Variants in PSD3 observed in about 807,000 individuals in gnomAD.
PSD3 encodes the protein PH and SEC7 domain-containing protein 3.
Under a neutral mutation model 105.5 loss-of-function variants are expected in PSD3, and 49 were observed. The observed-to-expected ratio is 0.46, with a 90% CI of 0.37 to 0.59. The LOEUF (loss-of-function observed/expected upper bound fraction) is 0.59, where lower values mean the gene tolerates loss of function less well. Ranked by LOEUF, PSD3 falls within the 20% of genes least tolerant of loss-of-function variation. The pLI is 0.00. For missense variants in PSD3, 1,561 were observed against 1,263.8 expected, an observed-to-expected ratio of 1.24 and a Z score of -3.57; for synonymous variants, 557 against 457.8, an observed-to-expected ratio of 1.22 and a Z score of -2.77.
chr8:18,647,880 T>C (rs1403369838), intron 10 of PSD3, among the ~76,000 whole-genome samples: 1 of 151,918 alleles, frequency 6.6e-6, no homozygotes, highest in East Asian at 1.9e-4. Flanking sequence ...ACCTGCCCCC[T>C]CTCTCTCTTC....
chr8:18,701,724 T>TA (rs1343362922), intron 9 of PSD3, among the ~76,000 whole-genome samples: 1 of 152,210 alleles, frequency 6.6e-6, no homozygotes, highest in Non-Finnish European at 1.5e-5. Flanking sequence ...TATGCAGTAA[T>TA]ATTTGGAGTA....
At chr8:18,995,825 G>A (rs1293989581) in intron 1 of PSD3, among the ~76,000 whole-genome samples, 1 of 151,778 alleles carries the variant, frequency 6.6e-6, no homozygotes, top group Non-Finnish European at 1.5e-5. Context: ...AAACAGCAGG[G>A]AAAAACCCAC....
intron 2 of PSD3, among the ~76,000 whole-genome samples, chr8:18,885,058 C>T (rs1818366597): frequency 6.6e-6 from 1 of 152,196 alleles, no homozygotes; most frequent in Non-Finnish European, 1.5e-5. Context: ...AAGCTGGTTT[C>T]CTTTTTCAAC....
chr8:18,613,752 C>T (rs1382881806), intron 11 of PSD3, among the ~76,000 whole-genome samples: 1 of 152,160 alleles, frequency 6.6e-6, no homozygotes, highest in Non-Finnish European at 1.5e-5. Flanking sequence ...ATTCTCAGGG[C>T]TGCCTGCACC....
At position 18,781,081 on chromosome 8, in the gene PSD3, T is replaced by C. The variant is rs999635421; in HGVS notation, c.2083-15543A>G. ...TTGTTTGTTCTGCTTTTCACCACTT[T>C]GGAGTTATCATTTCATTTACTCCTG... On this transcript the variant is annotated intron_variant, in intron 8 of 15. Transcript: ENST00000327040. 2.6e-5 allele frequency among the ~76,000 whole-genome samples: 4 copies of C among 152,314 alleles called. No individual in the cohort carries two copies. In the South Asian group the frequency reaches 6.2e-4, roughly 24 times the overall value.
intron 10 of PSD3, among the ~76,000 whole-genome samples, chr8:18,645,411 A>G (rs1807956861): frequency 6.6e-6 from 1 of 152,198 alleles, no homozygotes; most frequent in Non-Finnish European, 1.5e-5. Context: ...CTTTAGTTCA[A>G]TATTTCCTTC....
chr8:19,001,555 C>T (rs111783424), intron 1 of PSD3: 1 of 152,036 alleles, frequency 6.6e-6, no homozygotes, highest in Non-Finnish European at 1.5e-5. Flanking sequence ...ATTGCCTGGT[C>T]TCGCTGCTCG....
intron 1 of PSD3, among the ~76,000 whole-genome samples, chr8:19,026,249 C>T (rs933542153): frequency 6.6e-6 from 1 of 152,066 alleles, no homozygotes; most frequent in African/African-American, 2.4e-5. Context: ...CCCATAGGAC[C>T]GTCATATTCT....
chr8:18,737,001 A>G (rs1804195948), intron 9 of PSD3, among the ~76,000 whole-genome samples: 1 of 152,208 alleles, frequency 6.6e-6, no homozygotes. Context: ...AAAATCTCAG[A>G]ATTGTAGAAT....
intron 4 of PSD3, among the ~76,000 whole-genome samples, chr8:18,842,997 T>C (rs1814773128): frequency 6.6e-6 from 1 of 152,206 alleles, no homozygotes; most frequent in Non-Finnish European, 1.5e-5. Flanking sequence ...TCATTTTCCA[T>C]GTTATTTTTT....
intron 9 of PSD3, among the ~76,000 whole-genome samples, chr8:18,718,397 GGTTT>G (rs1287733961): frequency 6.6e-6 from 1 of 152,168 alleles, no homozygotes; most frequent in African/African-American, 2.4e-5. Context: ...TGTGTGCTTT[GGTTT>G]GTTTGTTCTT....
Position 18,867,888 on chromosome 8 carries a change from A to G in PSD3, c.1420T>C (p.Phe474Leu). 1 of 1,614,178 alleles carries G rather than the reference A, an allele frequency of 6.2e-7. No individual in the cohort carries two copies. The stretch of plus-strand genomic sequence containing the variant: ...ATCATTGGAGTGAGGGGCATTTCAA[A>G]GCTAAAATAGCTATCAGGCTCTGAG... ...LYSEPDSYFS[F>L]EMPLTPMIQQ... Residue 474 changes from phenylalanine to leucine, a missense_variant, in exon 4 of 16, where the codon TTT becomes CTT. Coordinates refer to ENST00000327040, the MANE Select transcript of PSD3 (RefSeq NM_015310.4).
At chr8:18,865,310 A>T (rs1464763686) in intron 4 of PSD3, 9 of 58,012 alleles carry the variant, frequency 1.6e-4, no homozygotes, top group East Asian at 7.0e-4. Context: ...TTTTTTTTTT[A>T]AAGGCTATCT....
chr8:18,534,772 T>C lies in PSD3; in HGVS notation c.*971A>G, dbSNP rs1335303425. The C allele has an allele frequency of 6.6e-6, 1 of 152,488 alleles. No individual in the cohort carries two copies. The highest frequency in any genetic ancestry group is 1.5e-5 in the Non-Finnish European group (1 of 68,026). 9.4% of individuals were successfully genotyped at this position (152,488 alleles called of 1,614,324 possible). A position where few individuals can be genotyped will look rare whatever the true frequency, so the allele number is the denominator to read the frequency against. ...AATTTGTTAGGAAGGAAGACCTCAA[T>C]ATCACAACCAGGACACAACCCCATG... On this transcript the variant is annotated 3_prime_UTR_variant, in exon 16 of 16. Transcript: ENST00000327040.
intron 2 of PSD3, among the ~76,000 whole-genome samples, chr8:18,916,471 T>C (rs1016716733): frequency 2.0e-5 from 3 of 150,992 alleles, no homozygotes; most frequent in Non-Finnish European, 4.4e-5. Context: ...CTAAGTGAAA[T>C]AAGTCAGGCA....
chr8:18,781,414 C>A (rs1013653729), intron 8 of PSD3, among the ~76,000 whole-genome samples: 1 of 152,156 alleles, frequency 6.6e-6, no homozygotes, highest in Non-Finnish European at 1.5e-5. Context: ...AAGACACAAT[C>A]CCTATTAAAT....
At chr8:18,875,618 G>T (rs1298173391) in intron 2 of PSD3, among the ~76,000 whole-genome samples, 1 of 151,676 alleles carries the variant, frequency 6.6e-6, no homozygotes, top group Non-Finnish European at 1.5e-5. Context: ...CTCACTGCAA[G>T]CTCCGCCTCC....
intron 1 of PSD3, among the ~76,000 whole-genome samples, chr8:19,074,366 CG>C (rs1191040601): frequency 1.3e-5 from 2 of 151,840 alleles, no homozygotes. Context: ...CTCCCGGGTC[CG>C]GGGGGTGCCA....
intron 1 of PSD3, among the ~76,000 whole-genome samples, chr8:18,971,423 C>T (rs935721302): frequency 6.6e-6 from 1 of 152,174 alleles, no homozygotes; most frequent in African/African-American, 2.4e-5. Context: ...GGACAATACC[C>T]CATCAACTGG....
Sources: gnomAD v4.1 joint callset for allele counts (sites outside exome capture counted in the v4.1 genomes callset) on GRCh38, gnomAD v4.1.1 for gene constraint, MANE v1.5 for transcripts, NCBI Gene and HGNC (gene_info 2026-07-23, HGNC 2026-07-21) for gene names.